Variants in KAZN observed in about 807,000 individuals in gnomAD.
KAZN encodes kazrin.
KAZN carries 40 observed loss-of-function variants against 87.4 expected under a neutral mutation model. The observed-to-expected ratio is 0.46, with a 90% confidence interval of 0.36 to 0.60. KAZN has a LOEUF of 0.60. KAZN is among the 20% of genes least tolerant of loss of function. The probability of loss-of-function intolerance (pLI) is 0.00; values close to 1 mark genes in which losing one functional copy is unlikely to be tolerated. For synonymous variants in KAZN, 466 were observed against 458.3 expected, an observed-to-expected ratio of 1.02 and a Z score of -0.22; for missense variants, 898 against 1,073.9, an observed-to-expected ratio of 0.84 and a Z score of 2.29.
chr1:14,995,650 G>GT (rs554836020), intron 2 of KAZN, among the ~76,000 whole-genome samples: 98 of 151,612 alleles, frequency 6.5e-4, no homozygotes, highest in South Asian at 5.2e-3. Flanking sequence ...AAATAGACTG[G>GT]TAACAGCTTG....
chr1:14,707,963 C>G (rs1011968497), intron 1 of KAZN, among the ~76,000 whole-genome samples: 1 of 152,086 alleles, frequency 6.6e-6, no homozygotes, highest in Non-Finnish European at 1.5e-5. Flanking sequence ...ATGAATCACC[C>G]GGCCAAGCAT....
At chr1:14,384,507 TGA>T (rs1390036310) in intron 2 of KAZN, among the ~76,000 whole-genome samples, 1 of 152,190 alleles carries the variant, frequency 6.6e-6, no homozygotes, top group East Asian at 1.9e-4. Context: ...CCTAATTTAT[TGA>T]GAGTTTTTAG....
intron 2 of KAZN, among the ~76,000 whole-genome samples, chr1:14,479,663 G>T (rs554259282): frequency 6.6e-6 from 1 of 151,976 alleles, no homozygotes; most frequent in Admixed American, 6.6e-5. Flanking sequence ...TTCTATCATC[G>T]CTCCTATTGT....
At chr1:13,998,627 A>G (rs941271679) in intron 1 of KAZN, among the ~76,000 whole-genome samples, 2 of 150,928 alleles carry the variant, frequency 1.3e-5, no homozygotes, top group Admixed American at 1.3e-4. Context: ...AAAAAAAAGA[A>G]GGGTAATGGT....
intron 1 of KAZN, among the ~76,000 whole-genome samples, chr1:14,864,363 G>A (rs1237034264): frequency 6.6e-6 from 1 of 151,996 alleles, no homozygotes; most frequent in East Asian, 1.9e-4. Context: ...AGGAGTTCGA[G>A]ACCAGCCTGG....
intron 1 of KAZN, among the ~76,000 whole-genome samples, chr1:14,108,106 G>A (rs535939580): frequency 6.6e-6 from 1 of 152,090 alleles, no homozygotes; most frequent in African/African-American, 2.4e-5. Context: ...TGCTCTAGAA[G>A]CTTGCCGTGG....
chr1:14,710,889 AATT>A (rs1177431466), intron 1 of KAZN, among the ~76,000 whole-genome samples: 3 of 152,162 alleles, frequency 2.0e-5, no homozygotes, highest in Non-Finnish European at 2.9e-5. Flanking sequence ...CTTAATAAAT[AATT>A]ATTGAGGGGG....
At chr1:14,460,416 G>T (rs1014260390) in intron 2 of KAZN, among the ~76,000 whole-genome samples, 2 of 152,200 alleles carry the variant, frequency 1.3e-5, no homozygotes, top group Non-Finnish European at 2.9e-5. Context: ...AGGCGGTGAG[G>T]ATCCAGGCTT....
intron 1 of KAZN, among the ~76,000 whole-genome samples, chr1:14,003,642 T>C (rs1340866065): frequency 2.0e-5 from 3 of 152,208 alleles, no homozygotes; most frequent in Non-Finnish European, 4.4e-5. Context: ...TATTTTTATT[T>C]CAATAAATGC....
chr1:15,078,404 CA>C (rs879550907), intron 8 of KAZN, among the ~76,000 whole-genome samples: 59 of 151,476 alleles, frequency 3.9e-4, no homozygotes, highest in Non-Finnish European at 6.5e-4. Flanking sequence ...GACTCCATCT[CA>C]AAAAAAATAA....
At chr1:14,847,230 A>G (rs61772325) in intron 1 of KAZN, among the ~76,000 whole-genome samples, 13,834 of 152,228 alleles carry the variant, frequency 0.091, 749 homozygotes, top group African/African-American at 0.14. Context: ...TAGACATCAC[A>G]GTGCCATCTG....
chr1:14,399,995 A>G (rs561166264), intron 2 of KAZN, among the ~76,000 whole-genome samples: 5 of 152,126 alleles, frequency 3.3e-5, no homozygotes, highest in Non-Finnish European at 7.3e-5. Context: ...TAAAAAAAGA[A>G]GGAATGATTT....
intron 1 of KAZN, among the ~76,000 whole-genome samples, chr1:14,712,409 T>C (rs1055517368): frequency 1.3e-5 from 2 of 152,190 alleles, no homozygotes; most frequent in Admixed American, 6.5e-5. Flanking sequence ...CCCAGGCCAC[T>C]GAGATGCTGT....
intron 1 of KAZN, among the ~76,000 whole-genome samples, chr1:14,819,680 G>A (rs1354710755): frequency 1.3e-5 from 2 of 148,158 alleles, no homozygotes; most frequent in East Asian, 4.0e-4. Context: ...CCACCATCAT[G>A]TGAGCCAATT....
intron 2 of KAZN, among the ~76,000 whole-genome samples, chr1:14,430,167 T>G (rs1665964522): frequency 6.6e-6 from 1 of 151,786 alleles, no homozygotes; most frequent in African/African-American, 2.4e-5. Flanking sequence ...GACTTTCCTG[T>G]TTAACATTCT....
intron 1 of KAZN, among the ~76,000 whole-genome samples, chr1:14,843,844 G>T (rs1045566942): frequency 1.3e-5 from 2 of 152,132 alleles, no homozygotes; most frequent in African/African-American, 4.8e-5. Flanking sequence ...TCCAGGTGTT[G>T]CTGGGTCTCT....
intron 13 of KAZN, among the ~76,000 whole-genome samples, chr1:15,109,173 C>G (rs934550120): frequency 2.6e-5 from 4 of 152,078 alleles, no homozygotes; most frequent in Non-Finnish European, 5.9e-5. Context: ...TCACTTGAGC[C>G]CAGGAGCTGG....
At chr1:14,979,771 A>T (rs114214702) in intron 2 of KAZN, among the ~76,000 whole-genome samples, 65 of 152,304 alleles carry the variant, frequency 4.3e-4, no homozygotes, top group African/African-American at 1.5e-3. Flanking sequence ...AAGTTGCTGA[A>T]CTTGTGTGTC....
intron 1 of KAZN, among the ~76,000 whole-genome samples, chr1:14,718,971 G>T (rs190770481): frequency 1.0e-3 from 154 of 152,286 alleles, no homozygotes; most frequent in African/African-American, 3.5e-3. Flanking sequence ...CAACTTCACA[G>T]TCTGAGTTGA....
Sources: allele counts gnomAD v4.1 joint callset (sites outside exome capture counted in the v4.1 genomes callset), GRCh38; gene constraint gnomAD v4.1.1; transcripts MANE v1.5; gene names NCBI Gene and HGNC (gene_info 2026-07-23, HGNC 2026-07-21).